Variants in PHKB observed in about 807,000 individuals in gnomAD.
The protein encoded by PHKB is phosphorylase b kinase regulatory subunit beta.
PHKB carries 122 observed loss-of-function variants against 152.1 expected under a neutral mutation model. The observed-to-expected ratio is 0.80, with a 90% CI of 0.69 to 0.93. The LOEUF is 0.93. PHKB is among the 40% of genes least tolerant of loss of function. PHKB has a pLI of 0.00. For missense variants in PHKB, 1,304 were observed against 1,328.4 expected (o/e 0.98, Z 0.29); for synonymous variants, 436 against 464.9 (o/e 0.94, Z 0.80).
At chr16:47,557,634 T>C (rs914134593) in intron 7 of PHKB, among the ~76,000 whole-genome samples, 3 of 152,034 alleles carry the variant, frequency 2.0e-5, no homozygotes, top group African/African-American at 7.2e-5. Flanking sequence ...CATGAAAAAA[T>C]GCTCACCATC....
intron 7 of PHKB, among the ~76,000 whole-genome samples, chr16:47,551,385 C>G (rs572807675): frequency 2.6e-5 from 4 of 152,158 alleles, no homozygotes; most frequent in Non-Finnish European, 4.4e-5. Context: ...ACGGCTTTAG[C>G]TGTGTCCCAG....
intron 16 of PHKB, among the ~76,000 whole-genome samples, chr16:47,645,782 C>G (rs1409191744): frequency 1.4e-5 from 2 of 146,398 alleles, no homozygotes; most frequent in South Asian, 2.2e-4. Flanking sequence ...TGAAGAAATG[C>G]TCATCATCAC....
Position 47,499,886 on chromosome 16 carries a change from T to C in PHKB, c.297T>C (p.Leu99=), listed in dbSNP as rs1477630312. The stretch of plus-strand genomic sequence containing the variant: ...CTGCTGGGGCCTGGGCTTTGGCTCT[T>C]GCATACAGGTGAGCTGGTGTGTGTT... The part of the protein sequence containing the change: ...YCAAGAWALA[L]AYRRIDDDKG... The change falls in exon 3 of 31, where the codon CTT becomes CTC. Residue 99 remains leucine, a synonymous_variant. Transcript: ENST00000323584. 1.2e-6 allele frequency: 2 copies of C among 1,614,022 alleles called. No individual in the cohort carries two copies. The highest frequency in any genetic ancestry group is 1.7e-6 in the Non-Finnish European group (2 of 1,180,008).
At chr16:47,563,271 G>A (rs189769090) in intron 7 of PHKB, among the ~76,000 whole-genome samples, 23 of 150,852 alleles carry the variant, frequency 1.5e-4, no homozygotes, top group Admixed American at 4.7e-4. Flanking sequence ...AGTTTACTTT[G>A]CTCAAATCCA....
chr16:47,603,511 T>G (rs1221392689), intron 13 of PHKB, among the ~76,000 whole-genome samples: 1 of 151,424 alleles, frequency 6.6e-6, no homozygotes, highest in East Asian at 1.9e-4. Flanking sequence ...TTCTTTTTTT[T>G]TTTTTTTTTG....
At chr16:47,539,982 ACTGTCTGCAGG>A (rs1971023715) in intron 6 of PHKB, among the ~76,000 whole-genome samples, 1 of 152,178 alleles carries the variant, frequency 6.6e-6, no homozygotes, top group South Asian at 2.1e-4. Flanking sequence ...ATAAGGTCTG[ACTGTCTGCAGG>A]GTCGGGCAAA....
chr16:47,596,046 G>C (rs766834067), intron 12 of PHKB, among the ~76,000 whole-genome samples: 3 of 152,180 alleles, frequency 2.0e-5, no homozygotes, highest in South Asian at 2.1e-4. Flanking sequence ...TAATTCCCAT[G>C]TGTCAAGGGT....
chr16:47,546,684 CTT>C (rs1357065838), intron 6 of PHKB, among the ~76,000 whole-genome samples: 1 of 152,096 alleles, frequency 6.6e-6, no homozygotes, highest in African/African-American at 2.4e-5. Flanking sequence ...TTTCAGCTGC[CTT>C]TTTTTCACCT....
chr16:47,648,999 G>C, intron 17 of PHKB, 101 bp from the exon 18 acceptor site: 1 of 757,944 alleles, frequency 1.3e-6, no homozygotes, highest in Non-Finnish European at 2.4e-6. Context: ...TGCTTATTCA[G>C]AATTAGACAT....
chr16:47,602,756 T>C (rs1351933694), intron 13 of PHKB, among the ~76,000 whole-genome samples: 2 of 152,162 alleles, frequency 1.3e-5, no homozygotes, highest in Non-Finnish European at 1.5e-5. Flanking sequence ...GAAATACACA[T>C]AAAGCATTTA....
At chr16:47,559,409 AAAC>A (rs1971438080) in intron 7 of PHKB, among the ~76,000 whole-genome samples, 7 of 152,214 alleles carry the variant, frequency 4.6e-5, no homozygotes, top group Admixed American at 4.6e-4. Context: ...AGAGGCATAA[AAAC>A]AACAACAATC....
chr16:47,497,413 C>G lies in PHKB; in HGVS notation c.91C>G (p.Pro31Ala). 1 of 1,599,968 alleles carries G rather than the reference C, an allele frequency of 6.3e-7. No individual in the cohort carries two copies. Among genetic ancestry groups the G allele is most frequent in the South Asian group, 1.1e-5 (1 of 90,848 alleles). ...TTTTCTTTTAGGCTCAGTTTATGAA[C>G]CTCTTAAAAGCATTAATCTTCCAAG... ...RTKRSGSVYE[P>A]LKSINLPRPD... is the part of the protein sequence containing the mutation. Residue 31 changes from proline to alanine, a missense_variant, in exon 2 of 31, where the codon CCT becomes GCT. Coordinates refer to ENST00000323584, the MANE Select transcript of PHKB (RefSeq NM_000293.3).
intron 27 of PHKB, among the ~76,000 whole-genome samples, 179 bp from the exon 28 acceptor site, chr16:47,693,199 C>T (rs369435187): frequency 2.0e-5 from 3 of 152,160 alleles, no homozygotes; most frequent in African/African-American, 7.2e-5. Context: ...CCTGTCCTGC[C>T]AGCCCTGTTT....
chr16:47,526,200 G>A (rs1970763572), intron 6 of PHKB, among the ~76,000 whole-genome samples: 1 of 150,514 alleles, frequency 6.6e-6, no homozygotes, highest in African/African-American at 2.5e-5. Flanking sequence ...TCTGAGGTCA[G>A]GAGTTCGAGA....
At chr16:47,663,475 A>G (rs1413455888) in intron 23 of PHKB, among the ~76,000 whole-genome samples, 2 of 152,222 alleles carry the variant, frequency 1.3e-5, no homozygotes, top group East Asian at 1.9e-4. Flanking sequence ...TTACATACTC[A>G]GACTAAATAG....
intron 25 of PHKB, among the ~76,000 whole-genome samples, chr16:47,668,024 G>A (rs1175923111): frequency 2.0e-5 from 3 of 152,190 alleles, no homozygotes; most frequent in African/African-American, 7.2e-5. Context: ...GAGGCATGGA[G>A]TCCATTCTCT....
intron 1 of PHKB, among the ~76,000 whole-genome samples, chr16:47,466,872 C>G (rs932980169): frequency 6.6e-6 from 1 of 152,078 alleles, no homozygotes; most frequent in Non-Finnish European, 1.5e-5. Flanking sequence ...CTCCTGAACT[C>G]TTGTGGGTTG....
At chr16:47,655,853 T>C (rs1440636655) in intron 20 of PHKB, among the ~76,000 whole-genome samples, 1 of 152,230 alleles carries the variant, frequency 6.6e-6, no homozygotes, top group Admixed American at 6.5e-5. Context: ...CATTCCTAGT[T>C]CACTACTTTT....
chr16:47,557,742 T>G (rs1334692710), intron 7 of PHKB, among the ~76,000 whole-genome samples: 1 of 152,090 alleles, frequency 6.6e-6, no homozygotes, highest in Non-Finnish European at 1.5e-5. Flanking sequence ...CAACAGGTGC[T>G]GGAGAGGATG....
Sources: gnomAD v4.1 joint callset for allele counts (sites outside exome capture counted in the v4.1 genomes callset) on GRCh38, gnomAD v4.1.1 for gene constraint, MANE v1.5 for transcripts, NCBI Gene and HGNC (gene_info 2026-07-23, HGNC 2026-07-21) for gene names.